Variants in SLC35A5 observed in about 807,000 individuals in gnomAD.
SLC35A5 encodes the protein solute carrier family 35 member A5.
SLC35A5 carries 28 observed loss-of-function variants against 36.3 expected under a neutral mutation model. The observed-to-expected ratio is 0.77, with a 90% CI of 0.57 to 1.06. The LOEUF (loss-of-function observed/expected upper bound fraction) is 1.06, where lower values mean the gene tolerates loss of function less well. Ranked by LOEUF, SLC35A5 falls within the 50% of genes least tolerant of loss-of-function variation. The probability of loss-of-function intolerance (pLI) is 0.00; values close to 1 mark genes in which losing one functional copy is unlikely to be tolerated. For missense variants in SLC35A5, 521 were observed against 499.3 expected (o/e 1.04, Z -0.41); for synonymous variants, 180 against 173.7 (o/e 1.04, Z -0.29).
At chr3:112,571,528 T>C (rs2107428670) in intron 4 of SLC35A5, among the ~76,000 whole-genome samples, 1 of 152,314 alleles carries the variant, frequency 6.6e-6, no homozygotes, top group Non-Finnish European at 1.5e-5. Context: ...GGGCTCAAGA[T>C]AGAACTGTAT....
intron 2 of SLC35A5, 119 bp from the exon 3 acceptor site, chr3:112,569,036 CAAAGGCAACTGGAAGA>C: frequency 1.5e-6 from 1 of 668,298 alleles, no homozygotes; most frequent in Non-Finnish European, 2.4e-6. Context: ...TCCAAAGGAG[CAAAGGCAACTGGAAGA>C]AACTTAATAT....
At chr3:112,564,739 C>A (rs1007621755) in intron 2 of SLC35A5, among the ~76,000 whole-genome samples, 1 of 152,156 alleles carries the variant, frequency 6.6e-6, no homozygotes, top group Non-Finnish European at 1.5e-5. Flanking sequence ...AGGCAGAGGT[C>A]GCTGCGGCTT....
intron 5 of SLC35A5, among the ~76,000 whole-genome samples, chr3:112,576,881 G>A (rs2107441036): frequency 1.3e-5 from 2 of 152,080 alleles, no homozygotes; most frequent in Middle Eastern, 6.8e-3. Flanking sequence ...ATCATTTGAT[G>A]GTCTTTTTGC....
At position 112,584,062 on chromosome 3, in the gene SLC35A5, G is replaced by A. The variant is rs1011630864; in HGVS notation, c.*1326G>A. ...TAAGTTTCATGCAGATGAATATAAG[G>A]TAATATACTATTATATAATTCATTT... On this transcript the variant is annotated 3_prime_UTR_variant, in exon 7 of 7. Coordinates refer to ENST00000492406, the MANE Select transcript of SLC35A5 (RefSeq NM_017945.5). The A allele has an allele frequency of 6.6e-6, 1 of 152,052 alleles. No individual in the cohort carries two copies. The highest frequency in any genetic ancestry group is 1.5e-5 in the Non-Finnish European group (1 of 67,996). The allele number at this position is 152,052 out of a possible 1,614,324, so 9.4% of individuals were successfully genotyped here.
intron 3 of SLC35A5, among the ~76,000 whole-genome samples, chr3:112,569,937 G>A (rs1934368887): frequency 6.6e-6 from 1 of 152,126 alleles, no homozygotes; most frequent in Non-Finnish European, 1.5e-5. Context: ...ATATTCCAGG[G>A]TTTCAAACTT....
intron 6 of SLC35A5, among the ~76,000 whole-genome samples, chr3:112,581,785 T>C (rs1934943554): frequency 6.6e-6 from 1 of 152,192 alleles, no homozygotes; most frequent in South Asian, 2.1e-4. Context: ...GTAAGTCCTG[T>C]TGAATAGAAA....
chr3:112,563,439 C>A lies in SLC35A5; in HGVS notation c.36C>A (p.Cys12Ter), dbSNP rs369182750. Residue 12 changes from cysteine to a stop codon, truncating the protein, a stop_gained, in exon 2 of 7, where the codon TGC becomes TGA. Coordinates refer to ENST00000492406, the MANE Select transcript of SLC35A5 (RefSeq NM_017945.5). LOFTEE classifies it high-confidence loss of function. ...AGTGCTGTAGTCATCCTGTAATATGCTCCTTGTCAACAATGTATACATTCC... is the reference window on the plus strand; with the variant it reads ...AGTGCTGTAGTCATCCTGTAATATGATCCTTGTCAACAATGTATACATTCC... ...EKQCCSHPVICSLSTMYTFLL... is the reference protein window; with the variant it reads ...EKQCCSHPVI 6.3e-7 allele frequency: 1 copy of A among 1,591,110 alleles called. No homozygotes were observed. Among genetic ancestry groups the A allele is most frequent in the Non-Finnish European group, 8.6e-7 (1 of 1,162,492 alleles).
chr3:112,569,207 T>C lies in SLC35A5; in HGVS notation c.167T>C (p.Val56Ala), dbSNP rs1934324588. ...GATTATCTTCCAACTACTGTGAATG[T>C]GTGCTCAGAACTGGTGAAGCTAGTT... ...KYDYLPTTVN[V>A]CSELVKLVFC... The change falls in exon 3 of 7, where the codon GTG becomes GCG. Residue 56 changes from valine to alanine, a missense_variant. By Grantham distance (64) the Val-to-Ala change is moderately conservative. Transcript: ENST00000492406. The C allele has an allele frequency of 6.2e-7, 1 of 1,613,914 alleles. No individual in the cohort carries two copies. The highest frequency in any genetic ancestry group is 8.5e-7 in the Non-Finnish European group (1 of 1,179,910).
At chr3:112,568,979 C>T (rs1934316271) in intron 2 of SLC35A5, among the ~76,000 whole-genome samples, 192 bp from the exon 3 acceptor site, 2 of 151,994 alleles carry the variant, frequency 1.3e-5, no homozygotes, top group African/African-American at 4.8e-5. Flanking sequence ...AATAAAAAGC[C>T]AAATGGGATA....
intron 1 of SLC35A5, among the ~76,000 whole-genome samples, chr3:112,562,641 T>A (rs1218960738): frequency 6.6e-6 from 1 of 152,220 alleles, no homozygotes; most frequent in Non-Finnish European, 1.5e-5. Context: ...TACAGCAGTG[T>A]TTCAGATATT....
chr3:112,572,902 TTTCCTC>T (rs1435915112), intron 4 of SLC35A5, among the ~76,000 whole-genome samples: 1 of 152,222 alleles, frequency 6.6e-6, no homozygotes, highest in African/African-American at 2.4e-5. Flanking sequence ...ACTTTCCTCT[TTTCCTC>T]TTACTCATCT....
Position 112,569,902 on chromosome 3 carries a change from T to G in SLC35A5, c.229+633T>G, listed in dbSNP as rs543792359. On this transcript the variant is annotated intron_variant, in intron 3 of 6. Transcript: ENST00000492406. ...AAACGTAAACTTTAGAGCATTGAAG[T>G]GTTTGCCCAGCAAGATGTCTTTTCA... is the stretch of plus-strand genomic sequence containing the variant. Among the ~76,000 whole-genome samples the G allele has an allele frequency of 1.0e-4, 16 of 152,382 alleles. No homozygotes were observed. In the South Asian group the frequency reaches 3.3e-3, roughly 32 times the overall value.
chr3:112,579,595 A>G (rs899487952), intron 5 of SLC35A5, among the ~76,000 whole-genome samples: 11 of 151,922 alleles, frequency 7.2e-5, no homozygotes, highest in African/African-American at 2.2e-4. Context: ...CCTTTTTCAC[A>G]TGATAAACTT....
chr3:112,574,389 T>G (rs746165620), intron 5 of SLC35A5, among the ~76,000 whole-genome samples: 76 of 144,004 alleles, frequency 5.3e-4, no homozygotes, highest in Non-Finnish European at 9.3e-4. Context: ...GAGGACGTGA[T>G]TTAAGCACTA....
Position 112,584,199 on chromosome 3 carries a change from T to C in SLC35A5, c.*1463T>C, listed in dbSNP as rs1935057256. On this transcript the variant is annotated 3_prime_UTR_variant, in exon 7 of 7. Coordinates refer to ENST00000492406, the MANE Select transcript of SLC35A5 (RefSeq NM_017945.5). The stretch of plus-strand genomic sequence containing the variant: ...CTGTCATTTAGGGTGGGATGTAGAG[T>C]ACTTTTAATCTTAAAAAATAGAGTG... 1 of 152,136 alleles carries C rather than the reference T, an allele frequency of 6.6e-6. No individual in the cohort carries two copies. The highest frequency in any genetic ancestry group is 6.6e-5 in the Admixed American group (1 of 15,248). 9.4% of individuals were successfully genotyped at this position (152,136 alleles called of 1,614,324 possible). A position where few individuals can be genotyped will look rare whatever the true frequency, so the allele number is the denominator to read the frequency against.
At chr3:112,567,076 A>G (rs1047083225) in intron 2 of SLC35A5, among the ~76,000 whole-genome samples, 2 of 151,944 alleles carry the variant, frequency 1.3e-5, no homozygotes, top group African/African-American at 4.8e-5. Flanking sequence ...AATACAAAAA[A>G]TTAGCCGGGC....
At chr3:112,580,403 T>C (rs1934853923) in intron 5 of SLC35A5, 143 bp from the exon 6 acceptor site, 2 of 875,152 alleles carry the variant, frequency 2.3e-6, no homozygotes, top group South Asian at 3.7e-5. Flanking sequence ...CAACAGTTTT[T>C]CTCTGAACTT....
In SLC35A5 at chr3:112,563,449, A is replaced by G. The variant is rs1170067949; in HGVS notation, c.46A>G (p.Thr16Ala). ...TCATCCTGTAATATGCTCCTTGTCA[A>G]CAATGTATACATTCCTGCTAGGTGC... ...CSHPVICSLS[T>A]MYTFLLGAIF... The change falls in exon 2 of 7, where the codon ACA becomes GCA. Residue 16 changes from threonine to alanine, a missense_variant. Transcript: ENST00000492406. 1.3e-6 allele frequency: 2 copies of G among 1,598,442 alleles called. No homozygotes were observed. Among genetic ancestry groups the G allele is most frequent in the East Asian group, 4.5e-5 (2 of 44,556 alleles).
chr3:112,570,723 C>A (rs1934401373), intron 4 of SLC35A5, 53 bp downstream of exon 4: 3 of 1,465,404 alleles, frequency 2.0e-6, no homozygotes, highest in Non-Finnish European at 2.7e-6. Flanking sequence ...AGAAATAAAT[C>A]CCAGAATTTT....
Sources: allele counts gnomAD v4.1 joint callset (sites outside exome capture counted in the v4.1 genomes callset), GRCh38; gene constraint gnomAD v4.1.1; transcripts MANE v1.5; gene names NCBI Gene and HGNC (gene_info 2026-07-23, HGNC 2026-07-21).